Variants in ADAM7 observed in about 807,000 individuals in gnomAD.
ADAM7 encodes disintegrin and metalloproteinase domain-containing protein 7.
In ADAM7, 97 loss-of-function variants were observed where a neutral mutation model predicts 102.9. That is an observed-to-expected ratio of 0.94 (90% confidence interval 0.80 to 1.12). ADAM7 has a LOEUF of 1.12. ADAM7 is among the 50% of genes most tolerant of loss of function. The pLI is 0.00. For missense variants in ADAM7, 991 were observed against 908.7 expected, an observed-to-expected ratio of 1.09 and a Z score of -1.16; for synonymous variants, 334 against 304.4, an observed-to-expected ratio of 1.10 and a Z score of -1.01.
intron 8 of ADAM7, among the ~76,000 whole-genome samples, chr8:24,477,831 T>C (rs953525379): frequency 5.9e-5 from 9 of 152,064 alleles, no homozygotes; most frequent in African/African-American, 1.9e-4. Context: ...TGTTTCCATT[T>C]GGCTAATTTT....
intron 5 of ADAM7, 63 bp downstream of exon 5, chr8:24,465,838 C>T (rs1390681842): frequency 1.5e-6 from 2 of 1,337,412 alleles, no homozygotes; most frequent in African/African-American, 1.5e-5. Flanking sequence ...AAGAAGTTAA[C>T]TTTGTTGATT....
At chr8:24,497,038 G>A (rs1160651325) in intron 16 of ADAM7, among the ~76,000 whole-genome samples, 1 of 152,170 alleles carries the variant, frequency 6.6e-6, no homozygotes, top group East Asian at 1.9e-4. Flanking sequence ...CCACTGGGAG[G>A]TAAGTGAATC....
At chr8:24,491,882 C>T (rs12542421) in intron 13 of ADAM7, 21 bp from the exon 14 acceptor site, 1 of 1,560,728 alleles carries the variant, frequency 6.4e-7, no homozygotes, top group East Asian at 2.3e-5. Flanking sequence ...AGGATTTAGT[C>T]TCTTTGTTTT....
chr8:24,500,183 T>C lies in ADAM7; in HGVS notation c.1929T>C (p.Asp643=). The change falls in exon 18 of 22, where the codon GAT becomes GAC. Residue 643 remains aspartate, a synonymous_variant. Coordinates refer to ENST00000175238, the MANE Select transcript of ADAM7 (RefSeq NM_003817.4). ...ATCATTGACTGCTCTTCCAGGTGGA[T>C]GGCCACGGACTCCAGTGCCACTGTG... ...CPSQCNENPV[D]GHGLQCHCEE... 6.2e-7 allele frequency: 1 copy of C among 1,610,258 alleles called. No homozygotes were observed. The highest frequency in any genetic ancestry group is 1.1e-5 in the South Asian group (1 of 90,702).
chr8:24,502,318 GA>G (rs561609627), intron 20 of ADAM7, among the ~76,000 whole-genome samples: 232 of 151,726 alleles, frequency 1.5e-3, no homozygotes, highest in Non-Finnish European at 2.8e-3. Flanking sequence ...TTGAAAAGAA[GA>G]AAAATAAAAG....
chr8:24,477,289 C>G (rs76346701), intron 8 of ADAM7, among the ~76,000 whole-genome samples: 3 of 152,146 alleles, frequency 2.0e-5, no homozygotes, highest in African/African-American at 7.2e-5. Context: ...AAGAAAGTTA[C>G]TATGCACGGC....
chr8:24,472,724 G>C (rs1031934785), intron 7 of ADAM7, among the ~76,000 whole-genome samples: 1 of 151,494 alleles, frequency 6.6e-6, no homozygotes, highest in African/African-American at 2.4e-5. Context: ...ATCCAAAGAA[G>C]GTATAAAGAA....
chr8:24,466,677 C>T, intron 5 of ADAM7, 122 bp from the exon 6 acceptor site: 2 of 797,102 alleles, frequency 2.5e-6, no homozygotes, highest in Non-Finnish European at 2.0e-6. Context: ...ACTGAAAGCA[C>T]TCTCCTACCT....
At chr8:24,442,439 C>G in intron 1 of ADAM7, 34 bp from the exon 2 acceptor site, 1 of 1,434,772 alleles carries the variant, frequency 7.0e-7, no homozygotes. Context: ...ATGTTAATGT[C>G]AGACGGATTT....
chr8:24,508,700 CTTATTTCTGTTAATAT>C lies in ADAM7; in HGVS notation c.*158_*173del. 3.4e-6 allele frequency: 5 copies of C among 1,468,858 alleles called. No individual in the cohort carries two copies. The highest frequency in any genetic ancestry group is 4.5e-6 in the Non-Finnish European group (5 of 1,105,658). 91.0% of individuals were successfully genotyped at this position (1,468,858 alleles called of 1,614,324 possible). A position where few individuals can be genotyped will look rare whatever the true frequency, so the allele number is the denominator to read the frequency against. ...GACAGACAATGTTTAAGAGAAACAACTTATTTCTGTTAATATTTACCGGTAGAATTCACACCCTCTA... is the reference window on the plus strand; with the variant it reads ...GACAGACAATGTTTAAGAGAAACAACTTACCGGTAGAATTCACACCCTCTA... On this transcript the variant is annotated 3_prime_UTR_variant, in exon 22 of 22. Coordinates refer to ENST00000175238, the MANE Select transcript of ADAM7 (RefSeq NM_003817.4).
intron 4 of ADAM7, among the ~76,000 whole-genome samples, chr8:24,464,220 T>G (rs1441121918): frequency 6.6e-6 from 1 of 152,130 alleles, no homozygotes; most frequent in Non-Finnish European, 1.5e-5. Flanking sequence ...CTCAATATGG[T>G]GTTAAGTCTA....
intron 15 of ADAM7, among the ~76,000 whole-genome samples, chr8:24,492,815 G>T (rs1820411421): frequency 6.6e-6 from 1 of 152,158 alleles, no homozygotes. Flanking sequence ...GACTTGTGAG[G>T]TTCACAGGGA....
intron 9 of ADAM7, among the ~76,000 whole-genome samples, chr8:24,483,550 G>A (rs1820032803): frequency 6.6e-6 from 1 of 152,212 alleles, no homozygotes; most frequent in Admixed American, 6.5e-5. Flanking sequence ...TCAGAAGTCA[G>A]ATTCAGTCCT....
intron 13 of ADAM7, 144 bp from the exon 14 acceptor site, chr8:24,491,759 A>G: frequency 1.7e-6 from 1 of 591,606 alleles, no homozygotes. Context: ...GACAAATGAC[A>G]ATGATTCTTG....
At chr8:24,468,142 G>A (rs956749713) in intron 6 of ADAM7, among the ~76,000 whole-genome samples, 4 of 152,058 alleles carry the variant, frequency 2.6e-5, no homozygotes, top group African/African-American at 9.7e-5. Flanking sequence ...GCTTGGAATT[G>A]AGACTACTGA....
At chr8:24,473,295 G>A (rs1819665865) in intron 7 of ADAM7, among the ~76,000 whole-genome samples, 1 of 152,092 alleles carries the variant, frequency 6.6e-6, no homozygotes, top group Non-Finnish European at 1.5e-5. Context: ...AAAACCTGGT[G>A]GGTAATCAAT....
At chr8:24,447,678 C>T (rs937671746) in intron 3 of ADAM7, among the ~76,000 whole-genome samples, 14 of 152,126 alleles carry the variant, frequency 9.2e-5, no homozygotes, top group South Asian at 2.1e-4. Context: ...GCATTTGCTT[C>T]GTCAAGACAT....
intron 1 of ADAM7, among the ~76,000 whole-genome samples, chr8:24,441,593 GCC>G (rs914657822): frequency 2.9e-4 from 44 of 152,264 alleles, no homozygotes; most frequent in African/African-American, 1.0e-3. Flanking sequence ...GAAACCCCAT[GCC>G]CTCTCCTTTT....
In ADAM7 at chr8:24,507,547, T is replaced by A; in HGVS notation, c.2264+12T>A. 6.2e-7 allele frequency: 1 copy of A among 1,600,522 alleles called. No individual in the cohort carries two copies. ...CAAAGTGCCAAGTGGTAGGTTACCC[T>A]GACAGATAGTACCTCCCTTTTTTAT... On this transcript the variant is annotated intron_variant, in intron 21 of 21. Coordinates refer to ENST00000175238, the MANE Select transcript of ADAM7 (RefSeq NM_003817.4).
Sources: allele counts gnomAD v4.1 joint callset (sites outside exome capture counted in the v4.1 genomes callset), GRCh38; gene constraint gnomAD v4.1.1; transcripts MANE v1.5; gene names NCBI Gene and HGNC (gene_info 2026-07-23, HGNC 2026-07-21).